VAV2: variants seen among roughly 807,000 people sequenced by gnomAD.
The protein encoded by VAV2 is vav guanine nucleotide exchange factor 2.
Under a neutral mutation model 132.5 loss-of-function variants are expected in VAV2, and 67 were observed. That is an observed-to-expected ratio of 0.51 (90% CI 0.42 to 0.62). VAV2 has a LOEUF of 0.62. Among genes scored for constraint, VAV2 ranks in the 20% least tolerant of loss-of-function variants. The probability of loss-of-function intolerance (pLI) is 0.00; values close to 1 mark genes in which losing one functional copy is unlikely to be tolerated. For synonymous variants in VAV2, 492 were observed against 443.5 expected (o/e 1.11, Z -1.37); for missense variants, 938 against 1,153.6 (o/e 0.81, Z 2.71).
At chr9:133,800,661 C>T (rs1393305661) in intron 9 of VAV2, among the ~76,000 whole-genome samples, 5 of 152,206 alleles carry the variant, frequency 3.3e-5, no homozygotes, top group Admixed American at 1.3e-4. Context: ...TGCCTGGTGC[C>T]AGCAGCTCTA....
At chr9:133,766,976 C>T (rs1445240324) in intron 29 of VAV2, among the ~76,000 whole-genome samples, 1 of 151,234 alleles carries the variant, frequency 6.6e-6, no homozygotes, top group Admixed American at 6.6e-5. Context: ...TCTAAGGTTA[C>T]CACTTAAGAA....
At chr9:133,970,184 G>T (rs1842282336) in intron 1 of VAV2, among the ~76,000 whole-genome samples, 2 of 152,102 alleles carry the variant, frequency 1.3e-5, no homozygotes, top group Admixed American at 1.3e-4. Flanking sequence ...TCTCTCCCTT[G>T]CCCCAAGGGC....
intron 11 of VAV2, 71 bp downstream of exon 11, chr9:133,796,358 C>A: frequency 7.2e-7 from 1 of 1,384,270 alleles, no homozygotes; most frequent in Non-Finnish European, 1.0e-6. Context: ...CCTATACCCC[C>A]TGGAAGCTGC....
Position 133,939,377 on chromosome 9 carries a change from GACGAA to G in VAV2, c.205-163_205-159del, listed in dbSNP as rs1841048956. On this transcript the variant is annotated intron_variant, in intron 1 of 29. Coordinates refer to ENST00000371850, the MANE Select transcript of VAV2 (RefSeq NM_001134398.2). ...AAGGAGGAAATGGGCTCAGAGAGATGACGAAACCCCCCGTCCCAAGGCTGGGGGGT... is the reference window on the plus strand; with the variant it reads ...AAGGAGGAAATGGGCTCAGAGAGATGACCCCCCGTCCCAAGGCTGGGGGGT... 8.4e-6 allele frequency: 6 copies of G among 712,470 alleles called. No homozygotes were observed. In the South Asian group the frequency reaches 1.0e-4, roughly 12 times the overall value. The allele number at this position is 712,470 out of a possible 1,614,324, so 44.1% of individuals were successfully genotyped here.
intron 1 of VAV2, among the ~76,000 whole-genome samples, chr9:133,971,106 A>C (rs1298455706): frequency 6.6e-6 from 1 of 152,184 alleles, no homozygotes; most frequent in African/African-American, 2.4e-5. Flanking sequence ...TGGACCGGGA[A>C]GCCCCGGGTT....
intron 4 of VAV2, among the ~76,000 whole-genome samples, chr9:133,818,518 A>T (rs1051346240): frequency 2.0e-5 from 3 of 152,202 alleles, no homozygotes; most frequent in Non-Finnish European, 4.4e-5. Flanking sequence ...ACCAGGACTC[A>T]GGCCTTTGGC....
Position 133,763,826 on chromosome 9 carries a change from G to A in VAV2, c.*236C>T. ...TGCCCCCTCCTCTGCGCTCTGGGTG[G>A]GGCTAGCCCAGGTTTCCTCTATGTA... is the stretch of plus-strand genomic sequence containing the variant. On this transcript the variant is annotated 3_prime_UTR_variant, in exon 30 of 30. Coordinates refer to ENST00000371850, the MANE Select transcript of VAV2 (RefSeq NM_001134398.2). The surrounding 1 kb of genome is among the most constrained non-coding windows in gnomAD (Gnocchi z 6.8). The A allele has an allele frequency of 1.8e-6, 1 of 545,782 alleles. No homozygotes were observed. The highest frequency in any genetic ancestry group is 3.3e-6 in the Non-Finnish European group (1 of 304,190). The allele number at this position is 545,782 out of a possible 1,614,324, so 33.8% of individuals were successfully genotyped here.
chr9:133,970,406 C>T (rs144883625), intron 1 of VAV2, among the ~76,000 whole-genome samples: 89 of 152,292 alleles, frequency 5.8e-4, no homozygotes, highest in African/African-American at 1.9e-3. Context: ...GGACCTTGGC[C>T]CACACGAGGC....
intron 1 of VAV2, among the ~76,000 whole-genome samples, chr9:133,941,319 A>T (rs549487809): frequency 1.3e-5 from 2 of 152,110 alleles, no homozygotes; most frequent in South Asian, 4.2e-4. Context: ...GCGGCAAGAG[A>T]ATCATTTGAA....
rs368825994 is a variant in VAV2, at chr9:133,921,147, C to T, written c.321+17956G>A. 2.8e-4 allele frequency among the ~76,000 whole-genome samples: 43 copies of T among 152,206 alleles called. No homozygotes were observed. The East Asian group carries it at 6.4e-3, about 23-fold the overall frequency. ...CTTGGAGGGGAGACGGCGGGGGATA[C>T]AGAGTCAGCCCACTTCCCTCCGCCT... On this transcript the variant is annotated intron_variant, in intron 2 of 29. Transcript: ENST00000371850.
At chr9:133,849,028 T>C (rs1837063625) in intron 3 of VAV2, among the ~76,000 whole-genome samples, 1 of 152,362 alleles carries the variant, frequency 6.6e-6, no homozygotes. Context: ...GAGCCGATAA[T>C]GTTACCCAGC....
At position 133,879,622 on chromosome 9, in the gene VAV2, G is replaced by T. The variant is rs1162044582; in HGVS notation, c.322-18190C>A. The stretch of plus-strand genomic sequence containing the variant: ...TGCACATCTGAGTCCTCTGCCAAAT[G>T]CAAATCTAAGCAACAAGCCGCACAC... On this transcript the variant is annotated intron_variant, in intron 2 of 29. Transcript: ENST00000371850. This position sits in a 1 kb window ranked among gnomAD's most constrained non-coding sequence, Gnocchi z 4.4. Among the ~76,000 whole-genome samples the T allele has an allele frequency of 3.3e-5, 5 of 152,060 alleles. No homozygotes were observed. Among genetic ancestry groups the T allele is most frequent in the Non-Finnish European group, 5.9e-5 (4 of 68,028 alleles).
At chr9:133,982,670 C>T (rs1314247035) in intron 1 of VAV2, among the ~76,000 whole-genome samples, 1 of 152,100 alleles carries the variant, frequency 6.6e-6, no homozygotes, top group Non-Finnish European at 1.5e-5. Context: ...CAGGGCGCGC[C>T]GCCTGGTTTT....
At chr9:133,858,099 T>G (rs764147348) in intron 3 of VAV2, among the ~76,000 whole-genome samples, 2 of 152,178 alleles carry the variant, frequency 1.3e-5, no homozygotes, top group Non-Finnish European at 2.9e-5. Context: ...CTTGCTCAGC[T>G]CCTAGGAGAT....
intron 1 of VAV2, among the ~76,000 whole-genome samples, chr9:133,955,567 A>C (rs868056530): frequency 1.4e-4 from 1 of 7,238 alleles, no homozygotes; most frequent in Non-Finnish European, 2.5e-4. Context: ...GGTCCTCCCC[A>C]CCTCCTTTCT....
At chr9:133,909,593 T>C (rs1181416995) in intron 2 of VAV2, among the ~76,000 whole-genome samples, 4 of 152,022 alleles carry the variant, frequency 2.6e-5, no homozygotes, top group South Asian at 4.1e-4. Context: ...CCACAAGAGA[T>C]AGCCAGCGGC....
chr9:133,899,806 G>A (rs1839366680), intron 2 of VAV2, among the ~76,000 whole-genome samples: 1 of 150,234 alleles, frequency 6.7e-6, no homozygotes, highest in South Asian at 2.1e-4. Context: ...TGGATCACGA[G>A]GTCAGGAGGT....
intron 2 of VAV2, among the ~76,000 whole-genome samples, chr9:133,927,552 C>A: frequency 6.6e-6 from 1 of 152,304 alleles, no homozygotes. Flanking sequence ...TGAAACACTG[C>A]TCTTGAGGTC....
At chr9:133,938,717 A>G (rs2810527) in intron 2 of VAV2, among the ~76,000 whole-genome samples, 134,125 of 151,936 alleles carry the variant, frequency 0.88, 59,897 homozygotes, top group East Asian at 0.98. Flanking sequence ...AGGAGGTGGT[A>G]CTAACTTCGA....
Sources: allele counts gnomAD v4.1 joint callset (sites outside exome capture counted in the v4.1 genomes callset), GRCh38; gene constraint gnomAD v4.1.1; non-coding constraint Gnocchi (gnomAD v3.1); transcripts MANE v1.5; gene names NCBI Gene and HGNC (gene_info 2026-07-23, HGNC 2026-07-21).